Variants in REEP1 observed in about 807,000 individuals in gnomAD.
REEP1 encodes the protein receptor accessory protein 1.
In REEP1, 22 loss-of-function variants were observed where a neutral mutation model predicts 40.3. The ratio of observed to expected loss-of-function variants is 0.55; its 90% CI spans 0.39 to 0.78. The LOEUF is 0.78. Among genes scored for constraint, REEP1 ranks in the 30% least tolerant of loss-of-function variants. The pLI is 0.00. For synonymous variants in REEP1, 116 were observed against 139.2 expected (o/e 0.83, Z 1.17); for missense variants, 280 against 361.1 (o/e 0.78, Z 1.82).
chr2:86,305,959 C>G (rs934794533), intron 1 of REEP1, among the ~76,000 whole-genome samples: 16 of 152,092 alleles, frequency 1.1e-4, no homozygotes, highest in African/African-American at 3.9e-4. Context: ...TTGGCTATTA[C>G]GAAAAAGGCT....
At chr2:86,275,327 G>A (rs763016509) in intron 2 of REEP1, among the ~76,000 whole-genome samples, 3 of 152,078 alleles carry the variant, frequency 2.0e-5, no homozygotes, top group Admixed American at 6.5e-5. Context: ...CACTGTCACC[G>A]GGTATATGAA....
At chr2:86,310,541 TATTAAGCA>T (rs1679711991) in intron 1 of REEP1, among the ~76,000 whole-genome samples, 2 of 152,154 alleles carry the variant, frequency 1.3e-5, no homozygotes, top group East Asian at 3.8e-4. Context: ...ATACCCCTAT[TATTAAGCA>T]ATGCATAACT....
chr2:86,263,435 C>T lies in REEP1; in HGVS notation c.182+530G>A, dbSNP rs184943948. ...TTTTTTTTTAGCAGAGATGGGGTTT[C>T]GCCATGTTAGCCAGGCTGGTCTCAA... is the stretch of plus-strand genomic sequence containing the variant. On this transcript the variant is annotated intron_variant, in intron 3 of 8. Transcript: ENST00000538924. 6.5e-4 allele frequency among the ~76,000 whole-genome samples: 99 copies of T among 152,156 alleles called. 1 individual carries two copies. Among genetic ancestry groups the T allele is most frequent in the Admixed American group, 4.3e-3 (66 of 15,282 alleles).
intron 1 of REEP1, among the ~76,000 whole-genome samples, chr2:86,300,852 T>G (rs999126116): frequency 6.6e-6 from 1 of 152,144 alleles, no homozygotes; most frequent in African/African-American, 2.4e-5. Flanking sequence ...CCCTTAGCCT[T>G]CTCTCCATCT....
chr2:86,220,639 G>A (rs1674364456), intron 7 of REEP1, among the ~76,000 whole-genome samples: 1 of 152,008 alleles, frequency 6.6e-6, no homozygotes, highest in Non-Finnish European at 1.5e-5. Flanking sequence ...TCCTGTAAGA[G>A]ACAGGATATA....
intron 4 of REEP1, among the ~76,000 whole-genome samples, chr2:86,253,458 T>C (rs2104235761): frequency 6.6e-6 from 1 of 152,234 alleles, no homozygotes; most frequent in East Asian, 1.9e-4. Context: ...CCCCAGGAAG[T>C]CATAGCAGCA....
intron 3 of REEP1, among the ~76,000 whole-genome samples, chr2:86,261,326 T>G (rs898413119): frequency 6.6e-6 from 1 of 152,202 alleles, no homozygotes; most frequent in Non-Finnish European, 1.5e-5. Context: ...GAGATCAGAT[T>G]GTTACTGTGT....
chr2:86,294,938 C>A (rs1176043974), intron 1 of REEP1, among the ~76,000 whole-genome samples: 2 of 152,086 alleles, frequency 1.3e-5, no homozygotes, highest in Admixed American at 1.3e-4. Context: ...GAGGGTGGGA[C>A]TATGTCCCAC....
intron 3 of REEP1, among the ~76,000 whole-genome samples, chr2:86,261,781 G>A (rs893134499): frequency 6.6e-6 from 1 of 152,254 alleles, no homozygotes; most frequent in Non-Finnish European, 1.5e-5. Flanking sequence ...GTTGAGACAA[G>A]AGGAAGGCAT....
chr2:86,249,130 G>T (rs1298383518), intron 5 of REEP1, among the ~76,000 whole-genome samples: 3 of 152,114 alleles, frequency 2.0e-5, no homozygotes, highest in African/African-American at 4.8e-5. Flanking sequence ...ATGGTGGCAG[G>T]CGCCTATAAT....
chr2:86,312,089 A>G (rs1679791270), intron 1 of REEP1, among the ~76,000 whole-genome samples: 1 of 152,158 alleles, frequency 6.6e-6, no homozygotes, highest in African/African-American at 2.4e-5. Flanking sequence ...CCAACTTGAC[A>G]CAGACACACT....
chr2:86,229,722 G>A (rs536298548), intron 6 of REEP1, among the ~76,000 whole-genome samples: 25 of 148,774 alleles, frequency 1.7e-4, no homozygotes, highest in Non-Finnish European at 3.2e-4. Flanking sequence ...CGATTCTCCT[G>A]CCTCAGCTAC....
chr2:86,276,708 C>T (rs1304624425), intron 2 of REEP1, among the ~76,000 whole-genome samples: 1 of 152,112 alleles, frequency 6.6e-6, no homozygotes, highest in Non-Finnish European at 1.5e-5. Flanking sequence ...TCTAAAGGTG[C>T]AGGAACCAAG....
At chr2:86,241,965 A>G (rs1437861354) in intron 5 of REEP1, among the ~76,000 whole-genome samples, 1 of 152,162 alleles carries the variant, frequency 6.6e-6, no homozygotes, top group Non-Finnish European at 1.5e-5. Flanking sequence ...CAAGGCAGGC[A>G]AGTCAGCCTC....
chr2:86,318,467 C>T (rs1240455288), intron 1 of REEP1, among the ~76,000 whole-genome samples: 3 of 148,172 alleles, frequency 2.0e-5, no homozygotes. Context: ...GGTATGATCT[C>T]GGCCCACTGC....
In REEP1 at chr2:86,296,446, A is replaced by G. The variant is rs554759230; in HGVS notation, c.33-14204T>C. Among the ~76,000 whole-genome samples, 4 of 152,354 alleles carry G rather than the reference A, an allele frequency of 2.6e-5. No individual in the cohort carries two copies. The East Asian group carries it at 7.7e-4, about 29-fold the overall frequency. On this transcript the variant is annotated intron_variant, in intron 1 of 8. Coordinates refer to ENST00000538924, the MANE Select transcript of REEP1 (RefSeq NM_001371279.1). The stretch of plus-strand genomic sequence containing the variant: ...TAGGTACTAAACCATGGATGCTCCA[A>G]CTTCTTTGATCGCACAAAATTAGTA...
intron 6 of REEP1, 132 bp from the exon 7 acceptor site, chr2:86,227,530 GTC>G: frequency 1.4e-6 from 1 of 694,072 alleles, no homozygotes; most frequent in Middle Eastern, 4.7e-4. Flanking sequence ...AGGAAGGTGG[GTC>G]TCTGTAGAGA....
chr2:86,227,782 A>G (rs929778343), intron 6 of REEP1, among the ~76,000 whole-genome samples: 3 of 152,264 alleles, frequency 2.0e-5, no homozygotes, highest in Non-Finnish European at 4.4e-5. Flanking sequence ...TGAACCCCAA[A>G]GTGCTTCGCA....
At chr2:86,239,208 CA>C (rs35714309) in intron 5 of REEP1, among the ~76,000 whole-genome samples, 4,499 of 58,020 alleles carry the variant, frequency 0.078, 185 homozygotes, top group African/African-American at 0.28. Context: ...CCATCTAGAC[CA>C]AAAAAAAAAA....
Sources: allele counts gnomAD v4.1 joint callset (sites outside exome capture counted in the v4.1 genomes callset), GRCh38; gene constraint gnomAD v4.1.1; transcripts MANE v1.5; gene names NCBI Gene and HGNC (gene_info 2026-07-23, HGNC 2026-07-21).